The following AHNAK variants were observed in gnomAD, a reference collection of about 807,000 sequenced individuals.
The protein encoded by AHNAK is AHNAK nucleoprotein.
In AHNAK, 23 loss-of-function variants were observed where a neutral mutation model predicts 37.8. That is an observed-to-expected ratio of 0.61 (90% confidence interval 0.44 to 0.86). AHNAK has a LOEUF of 0.86. Among genes scored for constraint, AHNAK ranks in the 40% least tolerant of loss-of-function variants. The probability of loss-of-function intolerance (pLI) is 0.00; values close to 1 mark genes in which losing one functional copy is unlikely to be tolerated. For missense variants in AHNAK, 7,411 were observed against 7,319.4 expected (o/e 1.01, Z -0.46); for synonymous variants, 2,481 against 2,636.3 (o/e 0.94, Z 1.80).
chr11:62,491,049 A>G (rs1245172861), intron 5 of AHNAK, among the ~76,000 whole-genome samples: 1 of 152,108 alleles, frequency 6.6e-6, no homozygotes, highest in Admixed American at 6.5e-5. Context: ...CGGCCTCCCA[A>G]AGTGTTGGAT....
chr11:62,513,516 C>T (rs917045079), downstream of AHNAK, among the ~76,000 whole-genome samples: 3 of 150,948 alleles, frequency 2.0e-5, no homozygotes, highest in Admixed American at 6.6e-5. Context: ...GCCTGGGCAA[C>T]AAGAGCGAGA....
At chr11:62,486,038 A>C (rs186590149) in intron 5 of AHNAK, among the ~76,000 whole-genome samples, 1 of 150,514 alleles carries the variant, frequency 6.6e-6, no homozygotes, top group East Asian at 1.9e-4. Context: ...AAAAAAAAAA[A>C]AGAGAGAGAG....
Position 62,453,935 on chromosome 11 carries a change from C to T in AHNAK, c.443-20044G>A, listed in dbSNP as rs189300783. ...CAGCCTGACCAACATGGTGAAACCC[C>T]GTCTCTACTAAAAATACAAAAATTA... On this transcript the variant is annotated intron_variant, in intron 5 of 5. Coordinates refer to the AHNAK transcript ENST00000257247. Among the ~76,000 whole-genome samples the T allele has an allele frequency of 1.7e-4, 26 of 151,962 alleles. No homozygotes were observed. The East Asian group carries it at 2.9e-3, about 17-fold the overall frequency.
Position 62,519,901 on chromosome 11 carries a change from A to G in AHNAK, c.14516T>C (p.Met4839Thr), listed in dbSNP as rs1940167579. Residue 4839 changes from methionine to threonine, a missense_variant, in exon 5 of 5, where the codon ATG becomes ACG. Physicochemically the swap from Met to Thr is moderately conservative, Grantham distance 81. Transcript: ENST00000378024. ...DAKLKGPKFK[M>T]PEINIKAPKI... The stretch of plus-strand genomic sequence containing the variant: ...GGGAGCTTTGATATTTATTTCAGGC[A>G]TCTTGAACTTGGGGCCCTTCAGTTT... 2 of 1,613,862 alleles carry G rather than the reference A, an allele frequency of 1.2e-6. No homozygotes were observed. Among genetic ancestry groups the G allele is most frequent in the African/African-American group, 2.7e-5 (2 of 74,850 alleles).
intron 5 of AHNAK, among the ~76,000 whole-genome samples, chr11:62,449,732 T>G (rs1241330306): frequency 1.3e-5 from 2 of 152,224 alleles, no homozygotes; most frequent in Non-Finnish European, 1.5e-5. Flanking sequence ...TTTATTGAAC[T>G]CTTCCAATGT....
intron 5 of AHNAK, among the ~76,000 whole-genome samples, chr11:62,435,908 C>A (rs1938159309): frequency 1.3e-5 from 2 of 152,188 alleles, no homozygotes; most frequent in African/African-American, 4.8e-5. Flanking sequence ...GAGCTGAGCA[C>A]TTCTTACATA....
At chr11:62,538,015 C>T (rs1381135626) in intron 1 of AHNAK, among the ~76,000 whole-genome samples, 1 of 152,018 alleles carries the variant, frequency 6.6e-6, no homozygotes, top group Admixed American at 6.6e-5. Context: ...TACTCCACCC[C>T]AGGTCTGCTG....
At chr11:62,501,176 TG>T (rs1565215672) in intron 4 of AHNAK, among the ~76,000 whole-genome samples, 1 of 151,516 alleles carries the variant, frequency 6.6e-6, no homozygotes, top group Non-Finnish European at 1.5e-5. Flanking sequence ...CTTTCCAGCC[TG>T]GGGGTCAGAG....
In AHNAK at chr11:62,525,462, C is replaced by T. The variant is rs1248495981; in HGVS notation, c.8955G>A (p.Leu2985=). Residue 2985 remains leucine (L), a synonymous_variant, in exon 5 of 5, where the codon CTG becomes CTA. Coordinates refer to ENST00000378024, the MANE Select transcript of AHNAK (RefSeq NM_001620.3). ...PKVKGDVDIS[L]PKVEGDLKGP... is the part of the protein sequence containing the mutation. ...CCTTGAGGTCACCTTCCACTTTGGGCAGAGAAATATCCACATCGCCCTTCA... is the reference window on the plus strand; with the variant it reads ...CCTTGAGGTCACCTTCCACTTTGGGTAGAGAAATATCCACATCGCCCTTCA... The T allele has an allele frequency of 6.2e-7, 1 of 1,613,126 alleles. No homozygotes were observed. Among genetic ancestry groups the T allele is most frequent in the African/African-American group, 1.3e-5 (1 of 74,650 alleles).
intron 4 of AHNAK, among the ~76,000 whole-genome samples, chr11:62,495,622 C>T (rs1224490314): frequency 6.6e-6 from 1 of 151,156 alleles, no homozygotes; most frequent in African/African-American, 2.4e-5. Context: ...ACCTGTAGTC[C>T]CAGCTACTTG....
At position 62,529,322 on chromosome 11, in the gene AHNAK, G is replaced by A. The variant is rs748793962; in HGVS notation, c.5095C>T (p.Pro1699Ser). The A allele has an allele frequency of 1.9e-6, 3 of 1,614,034 alleles. No homozygotes were observed. The highest frequency in any genetic ancestry group is 2.2e-5 in the East Asian group (1 of 44,862). ...TCTGGGTCGTGAACCTCCACATCTG[G>A]GGCATCAATGTCCACTTTGGGCCCT... is the stretch of plus-strand genomic sequence containing the variant. Reference protein sequence around the residue: ...IKGPKVDIDAPDVEVHDPDWH... With the variant: ...IKGPKVDIDASDVEVHDPDWH... The change falls in exon 5 of 5, where the codon CCA (proline) becomes TCA (serine). Residue 1699 changes from proline to serine, a missense_variant. Pro to Ser is a moderately conservative substitution (Grantham distance 74, BLOSUM62 -1). Coordinates refer to ENST00000378024, the MANE Select transcript of AHNAK (RefSeq NM_001620.3).
At chr11:62,449,994 C>T (rs1047939913) in intron 5 of AHNAK, among the ~76,000 whole-genome samples, 1 of 152,130 alleles carries the variant, frequency 6.6e-6, no homozygotes, top group Non-Finnish European at 1.5e-5. Flanking sequence ...TCTGTAATCC[C>T]AGTGCTTTGG....
intron 2 of AHNAK, 183 bp from the exon 3 acceptor site, chr11:62,536,281 C>A: frequency 1.8e-6 from 1 of 561,986 alleles, no homozygotes; most frequent in Non-Finnish European, 3.0e-6. Flanking sequence ...CGTCTCACGT[C>A]CTTCCACTGT....
At chr11:62,445,342 C>T (rs1029480613) in intron 5 of AHNAK, among the ~76,000 whole-genome samples, 1 of 152,150 alleles carries the variant, frequency 6.6e-6, no homozygotes, top group Non-Finnish European at 1.5e-5. Flanking sequence ...TTTAAGCCTC[C>T]TACGTAAGTA....
rs1414717278 is a variant in AHNAK at position 62,473,713 on chromosome 11, A to C, written c.442+18019T>G. ...AAAAAAAAAGCTGTATAAAACAATG[A>C]TAGGAACCAGGCTCAGGTCACGCTA... is the stretch of plus-strand genomic sequence containing the variant. On this transcript the variant is annotated intron_variant, in intron 5 of 5. Transcript: ENST00000257247. 3.3e-5 allele frequency among the ~76,000 whole-genome samples: 5 copies of C among 151,402 alleles called. No individual in the cohort carries two copies. In the South Asian group the frequency reaches 8.3e-4, roughly 25 times the overall value.
chr11:62,539,163 G>T (rs1470511873), intron 1 of AHNAK, among the ~76,000 whole-genome samples: 2 of 152,216 alleles, frequency 1.3e-5, no homozygotes, highest in African/African-American at 4.8e-5. Flanking sequence ...GCAAGAAACA[G>T]CAAAGCTGGG....
At position 62,531,125 on chromosome 11, in the gene AHNAK, C is replaced by T. The variant is rs79639272; in HGVS notation, c.3292G>A (p.Val1098Ile). 2.4e-5 allele frequency: 38 copies of T among 1,614,152 alleles called. No homozygotes were observed. In the East Asian group the frequency reaches 8.0e-4, roughly 34 times the overall value. Residue 1098 changes from valine (V) to isoleucine (I), a missense_variant, in exon 5 of 5, where the codon GTT becomes ATT. Val to Ile is a conservative substitution (Grantham distance 29). Coordinates refer to ENST00000378024, the MANE Select transcript of AHNAK (RefSeq NM_001620.3). ...GGACCTCTGATGTCCACATCTGGAA[C>T]CTGCATTTCACCCTCTATCTTTGGT... ...SAPKIEGEMQ[V>I]PDVDIRGPKV...
At position 62,520,144 on chromosome 11, in the gene AHNAK, T is replaced by C. The variant is rs201059372; in HGVS notation, c.14273A>G (p.Lys4758Arg). Residue 4758 changes from lysine (K) to arginine (R), a missense_variant, in exon 5 of 5, where the codon AAG becomes AGG. Physicochemically the swap from Lys to Arg is conservative, Grantham distance 26. Transcript: ENST00000378024. ...GDLKGPEADI[K>R]GPKVDINTPD... ...GGTGTTGATGTCCACTTTTGGGCCC[T>C]TGATGTCAGCTTCTGGGCCCTTGAG... 798 of 1,612,676 alleles carry C rather than the reference T, an allele frequency of 4.9e-4. No individual in the cohort carries two copies. Among genetic ancestry groups the C allele is most frequent in the Non-Finnish European group, 6.4e-4 (752 of 1,179,774 alleles).
chr11:62,433,748 C>G, exon 6 of AHNAK: 2 of 1,282,360 alleles, frequency 1.6e-6, no homozygotes, highest in East Asian at 2.3e-5. Context: ...AGCCGCCTCG[C>G]GGAAGGTATT....
Sources: gnomAD v4.1 joint callset for allele counts (sites outside exome capture counted in the v4.1 genomes callset) on GRCh38, gnomAD v4.1.1 for gene constraint, MANE v1.5 for transcripts, NCBI Gene and HGNC (gene_info 2026-07-23, HGNC 2026-07-21) for gene names.